Variants in GAB4 observed in about 807,000 individuals in gnomAD.
GAB4 encodes the protein GRB2 associated binding protein family member 4, also known as GRB2-associated-binding protein 4.
In GAB4, 26 loss-of-function variants were observed where a neutral mutation model predicts 51.3. The observed-to-expected ratio is 0.51, with a 90% CI of 0.37 to 0.70. The LOEUF is 0.70. GAB4 is among the 30% of genes least tolerant of loss of function. The probability of loss-of-function intolerance (pLI) is 0.00; values close to 1 mark genes in which losing one functional copy is unlikely to be tolerated. For synonymous variants in GAB4, 329 were observed against 291.2 expected, an observed-to-expected ratio of 1.13 and a Z score of -1.32; for missense variants, 759 against 734.6, an observed-to-expected ratio of 1.03 and a Z score of -0.38.
chr22:16,998,822 C>G lies in GAB4; in HGVS notation c.175-6646G>C, dbSNP rs188696489. 4.4e-4 allele frequency among the ~76,000 whole-genome samples: 67 copies of G among 152,070 alleles called. No individual in the cohort carries two copies. In the East Asian group the frequency reaches 0.011, roughly 26 times the overall value. On this transcript the variant is annotated intron_variant, in intron 1 of 9. Transcript: ENST00000400588. ...CTTATTAATTTGAGATACATCCCAT[C>G]TAGTTCATTGAGAGTTTTTAGCATG...
At chr22:17,006,613 C>T (rs1322654991) in intron 1 of GAB4, among the ~76,000 whole-genome samples, 1 of 152,036 alleles carries the variant, frequency 6.6e-6, no homozygotes, top group African/African-American at 2.4e-5. Flanking sequence ...ACCCAAATGC[C>T]CATCAATAAT....
chr22:16,989,720 G>A (rs2060898281), intron 2 of GAB4, among the ~76,000 whole-genome samples: 1 of 152,202 alleles, frequency 6.6e-6, no homozygotes, highest in South Asian at 2.1e-4. Flanking sequence ...CCCAGGGAGG[G>A]TGCAGCCTGG....
chr22:17,005,375 TTCCATGC>T (rs2061032143), intron 1 of GAB4, among the ~76,000 whole-genome samples: 1 of 152,176 alleles, frequency 6.6e-6, no homozygotes, highest in Non-Finnish European at 1.5e-5. Flanking sequence ...TGGAAGAACA[TTCCATGC>T]TCATGGATAG....
chr22:17,000,585 T>C (rs893305692), intron 1 of GAB4, among the ~76,000 whole-genome samples: 1 of 152,232 alleles, frequency 6.6e-6, no homozygotes, highest in African/African-American at 2.4e-5. Context: ...GTCTTGACTC[T>C]TTATCCAATT....
chr22:16,964,936 T>C, intron 7 of GAB4, 74 bp from the exon 8 acceptor site: 2 of 1,166,834 alleles, frequency 1.7e-6, no homozygotes, highest in Non-Finnish European at 2.5e-6. Flanking sequence ...AGCCTCCAGC[T>C]GGGCCCTGAC....
At chr22:16,998,492 T>C (rs1194873978) in intron 1 of GAB4, among the ~76,000 whole-genome samples, 2 of 152,214 alleles carry the variant, frequency 1.3e-5, no homozygotes, top group Non-Finnish European at 2.9e-5. Flanking sequence ...TGCACATTGA[T>C]TTTGTATCCT....
At chr22:16,967,951 A>G (rs1289228320) in intron 5 of GAB4, among the ~76,000 whole-genome samples, 3 of 151,828 alleles carry the variant, frequency 2.0e-5, no homozygotes, top group African/African-American at 7.3e-5. Context: ...CCCTCTGCCT[A>G]CCCATACCAA....
chr22:16,966,137 C>T lies in GAB4; in HGVS notation c.1251G>A (p.Leu417=). Residue 417 remains leucine (L), a synonymous_variant, in exon 6 of 10, where the codon CTG becomes CTA. Coordinates refer to ENST00000400588, the MANE Select transcript of GAB4 (RefSeq NM_001037814.1). ...QDLSQGHEVQ[L]PPVNRSLKPN... is the part of the protein sequence containing the mutation. ...GCTTGAGGCTGCGGTTGACAGGGGG[C>T]AGCTGGACCTCATGTCCCTGGCTGA... 6.2e-7 allele frequency: 1 copy of T among 1,614,086 alleles called. No homozygotes were observed. The highest frequency in any genetic ancestry group is 8.5e-7 in the Non-Finnish European group (1 of 1,180,004).
chr22:17,006,873 G>C (rs2061044252), intron 1 of GAB4, among the ~76,000 whole-genome samples: 1 of 152,162 alleles, frequency 6.6e-6, no homozygotes. Flanking sequence ...GGGGGCAAGG[G>C]AAGGGATAGC....
chr22:16,962,592 C>A lies in GAB4; in HGVS notation c.*141G>T. The A allele has an allele frequency of 1.4e-6, 1 of 691,174 alleles. No homozygotes were observed. Among genetic ancestry groups the A allele is most frequent in the Non-Finnish European group, 2.1e-6 (1 of 473,438 alleles). 42.8% of individuals were successfully genotyped at this position (691,174 alleles called of 1,614,324 possible). On this transcript the variant is annotated 3_prime_UTR_variant, in exon 10 of 10. Transcript: ENST00000400588. The stretch of plus-strand genomic sequence containing the variant: ...GGCCAGCCAAAGGCACAGGTGGGCC[C>A]CAAGCAGGCAAAGGATGTATATTGA...
At chr22:16,964,745 C>CA in intron 8 of GAB4, 21 bp downstream of exon 8, 1 of 1,555,210 alleles carries the variant, frequency 6.4e-7, no homozygotes, top group Non-Finnish European at 8.9e-7. Flanking sequence ...AGGAGCCTTA[C>CA]AGTGACCCCC....
chr22:17,006,754 G>A (rs565353892), intron 1 of GAB4, among the ~76,000 whole-genome samples: 1 of 152,294 alleles, frequency 6.6e-6, no homozygotes, highest in South Asian at 2.1e-4. Flanking sequence ...ACTTACACTG[G>A]AACAGAAAAC....
chr22:17,003,023 T>C (rs1461927835), intron 1 of GAB4, among the ~76,000 whole-genome samples: 1 of 151,974 alleles, frequency 6.6e-6, no homozygotes, highest in Middle Eastern at 3.4e-3. Flanking sequence ...GAAAGCAGGG[T>C]TTGCACTCCT....
chr22:16,996,777 C>T (rs2060952518), intron 1 of GAB4, among the ~76,000 whole-genome samples: 3 of 151,968 alleles, frequency 2.0e-5, no homozygotes. Flanking sequence ...TCACCATTTA[C>T]ATTATGTGTA....
chr22:16,986,944 T>G, intron 3 of GAB4, among the ~76,000 whole-genome samples: 1 of 151,638 alleles, frequency 6.6e-6, no homozygotes, highest in African/African-American at 2.4e-5. Context: ...GGGCAAAGAG[T>G]TCAGGACAGA....
rs544492912 is a variant in GAB4, at chr22:16,986,777, T to G, written c.686+1183A>C. Among the ~76,000 whole-genome samples the G allele has an allele frequency of 3.3e-5, 5 of 152,392 alleles. No individual in the cohort carries two copies. In the East Asian group the frequency reaches 9.6e-4, roughly 29 times the overall value. ...TCTTTCTAGAACACAGATCTTCATG[T>G]ATCAGTTGATGAAGGCGGAACTGCT... On this transcript the variant is annotated intron_variant, in intron 3 of 9. Coordinates refer to ENST00000400588, the MANE Select transcript of GAB4 (RefSeq NM_001037814.1).
rs563826756 is a variant in GAB4 at position 16,972,661 on chromosome 22, A to G, written c.687-2468T>C. 2.0e-4 allele frequency among the ~76,000 whole-genome samples: 30 copies of G among 152,234 alleles called. No homozygotes were observed. In the South Asian group the frequency reaches 5.6e-3, roughly 28 times the overall value. On this transcript the variant is annotated intron_variant, in intron 3 of 9. Transcript: ENST00000400588. Reference sequence around the variant, plus strand: ...GTCTTGGGATTGGCTCCAGCCTCTCAAGCCCAAAACATTGGAGTTACCCAC... The same window carrying G: ...GTCTTGGGATTGGCTCCAGCCTCTCGAGCCCAAAACATTGGAGTTACCCAC...
intron 1 of GAB4, among the ~76,000 whole-genome samples, chr22:17,004,975 A>T (rs1430234406): frequency 6.6e-6 from 1 of 152,228 alleles, no homozygotes; most frequent in Non-Finnish European, 1.5e-5. Flanking sequence ...ACTCCTATTC[A>T]ACATAGTATT....
intron 1 of GAB4, among the ~76,000 whole-genome samples, chr22:17,000,158 T>C (rs4819547): frequency 0.81 from 122,837 of 152,136 alleles, 50,250 homozygotes; most frequent in African/African-American, 0.95. Flanking sequence ...CTATTAGGTC[T>C]GCTTGGCGTA....
Sources: gnomAD v4.1 joint callset for allele counts (sites outside exome capture counted in the v4.1 genomes callset) on GRCh38, gnomAD v4.1.1 for gene constraint, MANE v1.5 for transcripts, NCBI Gene and HGNC (gene_info 2026-07-23, HGNC 2026-07-21) for gene names.